Variants in SYNE2 observed in about 807,000 individuals in gnomAD.
The protein encoded by SYNE2 is spectrin repeat containing nuclear envelope protein 2.
A neutral mutation model predicts 856.3 loss-of-function variants in SYNE2; 431 were observed. The ratio of observed to expected loss-of-function variants is 0.50; its 90% CI spans 0.47 to 0.55. SYNE2 has a LOEUF of 0.55. SYNE2 is among the 20% of genes least tolerant of loss of function. The pLI, the probability that SYNE2 is intolerant of heterozygous loss-of-function variation, is 0.00. For synonymous variants in SYNE2, 2,923 were observed against 2,872.3 expected (o/e 1.02, Z -0.56); for missense variants, 8,129 against 8,023.2 (o/e 1.01, Z -0.50).
intron 32 of SYNE2, 140 bp from the exon 33 acceptor site, chr14:64,016,333 C>G: frequency 3.4e-6 from 2 of 592,738 alleles, no homozygotes; most frequent in Non-Finnish European, 5.7e-6. Context: ...TAAAAACGTA[C>G]TTTAAAAAAG....
Position 64,162,073 on chromosome 14 carries a change from T to G in SYNE2, c.16096T>G (p.Trp5366Gly). 2 of 1,614,112 alleles carry G rather than the reference T, an allele frequency of 1.2e-6. No individual in the cohort carries two copies. The highest frequency in any genetic ancestry group is 1.7e-6 in the Non-Finnish European group (2 of 1,180,004). Reference sequence around the variant, plus strand: ...ATGTTATTTGCGTTGCACTGACAGGTGGACTCAGGTGAACCAAGCCATTGC... The same window carrying G: ...ATGTTATTTGCGTTGCACTGACAGGGGGACTCAGGTGAACCAAGCCATTGC... ...EEKCQNTHKR[W>G]TQVNQAIADQ... Residue 5366 changes from tryptophan to glycine, a missense_variant and splice_region_variant, in exon 88 of 116, where the codon TGG (tryptophan) becomes GGG (glycine). Trp to Gly is a radical substitution (Grantham distance 184, BLOSUM62 -2). Transcript: ENST00000555002.
At position 63,785,806 on chromosome 14, in the gene SYNE2, G is replaced by A. The variant is rs529360480; in HGVS notation, c.-305+23820G>A. ...TTTAAAGACTCAAGTGATTTAACAAGTTTTGTTAAGAAAAACAGCACAGGC... is the reference window on the plus strand; with the variant it reads ...TTTAAAGACTCAAGTGATTTAACAAATTTTGTTAAGAAAAACAGCACAGGC... On this transcript the variant is annotated intron_variant, in intron 1 of 23. Transcript: ENST00000674003. 1.6e-4 allele frequency among the ~76,000 whole-genome samples: 24 copies of A among 152,202 alleles called. 1 individual carries two copies. In the South Asian group the frequency reaches 4.6e-3, roughly 29 times the overall value.
chr14:64,173,819 T>C, intron 94 of SYNE2: 1 of 566,982 alleles, frequency 1.8e-6, no homozygotes, highest in South Asian at 2.3e-5. Context: ...TAAAACCAAA[T>C]GCCTTTGGGA....
At position 64,208,671 on chromosome 14, in the gene SYNE2, A is replaced by G. The variant is rs979772181; in HGVS notation, c.18202-87A>G. The G allele has an allele frequency of 5.0e-5, 70 of 1,396,122 alleles. 1 individual carries two copies. In the East Asian group the frequency reaches 1.6e-3, roughly 32 times the overall value. 86.5% of individuals were successfully genotyped at this position (1,396,122 alleles called of 1,614,324 possible). A position where few individuals can be genotyped will look rare whatever the true frequency, so the allele number is the denominator to read the frequency against. On this transcript the variant is annotated intron_variant, in intron 100 of 115. Coordinates refer to ENST00000555002, the MANE Select transcript of SYNE2 (RefSeq NM_182914.3). The stretch of plus-strand genomic sequence containing the variant: ...GGGAAGTATCCCCTGAGCTGGGAGA[A>G]GGGAGGGAGGAACGGAGGTCCTTTG...
At chr14:63,925,373 T>A (rs1024763495) in intron 2 of SYNE2, among the ~76,000 whole-genome samples, 22 of 150,120 alleles carry the variant, frequency 1.5e-4, no homozygotes, top group African/African-American at 5.3e-4. Context: ...CCCTTTTTAT[T>A]TTTTATTTTT....
chr14:64,215,651 CT>C (rs757367464), intron 107 of SYNE2: 31 of 519,832 alleles, frequency 6.0e-5, no homozygotes, highest in Non-Finnish European at 9.6e-5. Flanking sequence ...AACTGAAGTC[CT>C]TTGGCATGGG....
chr14:64,079,062 ACT>A (rs1251181406), intron 55 of SYNE2, among the ~76,000 whole-genome samples: 1 of 152,130 alleles, frequency 6.6e-6, no homozygotes, highest in African/African-American at 2.4e-5. Flanking sequence ...ACAGAGTGAG[ACT>A]CTGTCTCAAA....
At chr14:63,767,450 G>A (rs1418513724) in intron 1 of SYNE2, among the ~76,000 whole-genome samples, 1 of 152,014 alleles carries the variant, frequency 6.6e-6, no homozygotes, top group Non-Finnish European at 1.5e-5. Context: ...TTTTAAAATT[G>A]TGCATGTATC....
At chr14:64,117,188 A>G (rs1241719036) in intron 66 of SYNE2, among the ~76,000 whole-genome samples, 1 of 152,224 alleles carries the variant, frequency 6.6e-6, no homozygotes, top group East Asian at 1.9e-4. Context: ...GCTTGGAACT[A>G]GAAGTATTTT....
At chr14:64,012,205 C>T (rs1039540978) in intron 32 of SYNE2, among the ~76,000 whole-genome samples, 3 of 152,178 alleles carry the variant, frequency 2.0e-5, no homozygotes, top group Non-Finnish European at 4.4e-5. Flanking sequence ...CTTCTCTGCA[C>T]CCTCCCCGCT....
chr14:63,888,243 A>G (rs751744483), intron 1 of SYNE2, among the ~76,000 whole-genome samples: 2 of 152,268 alleles, frequency 1.3e-5, no homozygotes, highest in South Asian at 2.1e-4. Context: ...GAGTGATTCT[A>G]CGACATGGTA....
At chr14:64,125,424 C>T (rs1221870703) in intron 71 of SYNE2, among the ~76,000 whole-genome samples, 1 of 152,104 alleles carries the variant, frequency 6.6e-6, no homozygotes, top group Non-Finnish European at 1.5e-5. Flanking sequence ...ATTCTGAGTC[C>T]AGGATCAGCA....
intron 1 of SYNE2, among the ~76,000 whole-genome samples, chr14:63,861,942 T>C (rs912988845): frequency 4.6e-5 from 7 of 152,200 alleles, no homozygotes; most frequent in African/African-American, 9.7e-5. Context: ...GAGATAATAG[T>C]AAAATGTACT....
chr14:63,845,140 G>C (rs1052473729), intron 1 of SYNE2, among the ~76,000 whole-genome samples: 1 of 152,100 alleles, frequency 6.6e-6, no homozygotes, highest in Admixed American at 6.6e-5. Flanking sequence ...GTATTTTTGA[G>C]CACAGTGTCT....
At chr14:64,113,316 TG>T in intron 65 of SYNE2, 24 bp from the exon 66 acceptor site, 4 of 1,613,054 alleles carry the variant, frequency 2.5e-6, no homozygotes, top group Non-Finnish European at 3.4e-6. Context: ...TTGGACTCCC[TG>T]GCTTATCTTT....
chr14:64,205,931 A>G (rs2098603071), intron 100 of SYNE2, among the ~76,000 whole-genome samples: 1 of 152,090 alleles, frequency 6.6e-6, no homozygotes, highest in African/African-American at 2.4e-5. Flanking sequence ...CTTCACCTCA[A>G]ACCCCCTGAA....
intron 110 of SYNE2, 48 bp downstream of exon 110, chr14:64,219,458 A>G: frequency 6.3e-7 from 1 of 1,580,630 alleles, no homozygotes; most frequent in Non-Finnish European, 8.7e-7. Context: ...TGTGCATGTG[A>G]ACGCATTGCT....
In SYNE2 at chr14:64,126,625, T is replaced by C. The variant is rs373055625; in HGVS notation, c.13735T>C (p.Tyr4579His). 8 of 1,614,092 alleles carry C rather than the reference T, an allele frequency of 5.0e-6. No homozygotes were observed. The highest frequency in any genetic ancestry group is 4.4e-5 in the South Asian group (4 of 91,086). Reference sequence around the variant, plus strand: ...GCTGGCTCTTGAGTTGAAGAAACTTTATTTAGCGCTAAGTGACAAGAAGGG... The same window carrying C: ...GCTGGCTCTTGAGTTGAAGAAACTTCATTTAGCGCTAAGTGACAAGAAGGG... ...ETLALELKKL[Y>H]LALSDKKGDL... is the part of the protein sequence containing the mutation. Residue 4579 changes from tyrosine (Y) to histidine (H), a missense_variant, in exon 73 of 116, where the codon TAT becomes CAT. By Grantham distance (83) the Tyr-to-His change is moderately conservative. Around this residue, in one of 3 missense-constraint regions of SYNE2, gnomAD observed 5,410 missense variants for 5,284.8 expected, o/e 1.02. Transcript: ENST00000555002.
At position 64,119,622 on chromosome 14, in the gene SYNE2, T is replaced by TATC. The variant is rs753052042; in HGVS notation, c.13023+14_13023+16dup. 1 of 1,613,612 alleles carries TATC rather than the reference T, an allele frequency of 6.2e-7. No individual in the cohort carries two copies. The highest frequency in any genetic ancestry group is 8.5e-7 in the Non-Finnish European group (1 of 1,179,620). On this transcript the variant is annotated intron_variant, in intron 67 of 115. Coordinates refer to ENST00000555002, the MANE Select transcript of SYNE2 (RefSeq NM_182914.3). ...CAGTGAAGATCAGGTAAAAAATGACTATCTATGGACATTCATCTTGATACA... is the reference window on the plus strand; with the variant it reads ...CAGTGAAGATCAGGTAAAAAATGACTATCATCTATGGACATTCATCTTGATACA...
Sources: allele counts gnomAD v4.1 joint callset (sites outside exome capture counted in the v4.1 genomes callset), GRCh38; gene constraint gnomAD v4.1.1; regional missense constraint gnomAD v4.1.1; transcripts MANE v1.5; gene names NCBI Gene and HGNC (gene_info 2026-07-23, HGNC 2026-07-21).